The following NAALADL2 variants were observed in gnomAD, a reference collection of about 807,000 sequenced individuals.
The protein encoded by NAALADL2 is inactive N-acetylated-alpha-linked acidic dipeptidase-like protein 2.
A neutral mutation model predicts 87.2 loss-of-function variants in NAALADL2; 76 were observed. That is an observed-to-expected ratio of 0.87 (90% CI 0.72 to 1.05). The LOEUF is 1.05. Among genes scored for constraint, NAALADL2 ranks in the 50% least tolerant of loss-of-function variants. The pLI is 0.00. For synonymous variants in NAALADL2, 354 were observed against 331.0 expected (o/e 1.07, Z -0.75); for missense variants, 1,089 against 945.8 (o/e 1.15, Z -1.99).
intron 2 of NAALADL2, among the ~76,000 whole-genome samples, chr3:174,613,145 G>A (rs1424120066): frequency 6.6e-6 from 1 of 152,202 alleles, no homozygotes; most frequent in Non-Finnish European, 1.5e-5. Flanking sequence ...ATCAAATGGA[G>A]CTTTTCTCTC....
chr3:175,353,282 G>A (rs1016024877), intron 5 of NAALADL2, among the ~76,000 whole-genome samples: 10 of 152,002 alleles, frequency 6.6e-5, no homozygotes, highest in Admixed American at 6.6e-4. Flanking sequence ...TGAGGTCGGA[G>A]GATCTCTTGA....
At chr3:175,794,799 A>G (rs1753254223) in intron 13 of NAALADL2, among the ~76,000 whole-genome samples, 1 of 152,234 alleles carries the variant, frequency 6.6e-6, no homozygotes, top group South Asian at 2.1e-4. Context: ...TAAAAAAATT[A>G]TGCTGTGATG....
chr3:174,942,681 T>C (rs1384221230), intron 1 of NAALADL2, among the ~76,000 whole-genome samples: 2 of 152,194 alleles, frequency 1.3e-5, no homozygotes, highest in African/African-American at 4.8e-5. Context: ...GTTATTCATA[T>C]ATTTAGCCTC....
chr3:175,453,789 G>T (rs1028439498), intron 6 of NAALADL2, among the ~76,000 whole-genome samples: 1 of 151,976 alleles, frequency 6.6e-6, no homozygotes, highest in Admixed American at 6.6e-5. Flanking sequence ...TCCTTAATCA[G>T]GTTGTTCAAA....
intron 2 of NAALADL2, among the ~76,000 whole-genome samples, chr3:174,713,521 T>C (rs1397105796): frequency 1.3e-5 from 2 of 152,196 alleles, no homozygotes; most frequent in Non-Finnish European, 2.9e-5. Context: ...TGATATCTCA[T>C]TGTGGTTTTG....
chr3:175,190,870 C>G (rs567722321), intron 2 of NAALADL2, among the ~76,000 whole-genome samples: 6 of 149,450 alleles, frequency 4.0e-5, no homozygotes, highest in Non-Finnish European at 7.4e-5. Flanking sequence ...CCCAGCTACT[C>G]GGGAGGCTGA....
intron 5 of NAALADL2, among the ~76,000 whole-genome samples, chr3:175,402,926 G>A (rs1711586744): frequency 6.6e-6 from 1 of 152,092 alleles, no homozygotes; most frequent in Non-Finnish European, 1.5e-5. Flanking sequence ...CACACCTCTT[G>A]CATTTTTAAA....
intron 5 of NAALADL2, among the ~76,000 whole-genome samples, chr3:175,387,397 G>T (rs961843662): frequency 6.6e-6 from 1 of 151,996 alleles, no homozygotes; most frequent in Non-Finnish European, 1.5e-5. Flanking sequence ...GGTACAATTG[G>T]TCTAGGATAG....
At chr3:174,960,469 T>TTACTA in intron 1 of NAALADL2, among the ~76,000 whole-genome samples, 1 of 152,068 alleles carries the variant, frequency 6.6e-6, no homozygotes, top group African/African-American at 2.4e-5. Context: ...AACATTCATC[T>TTACTA]TGGACTTACT....
At chr3:175,761,350 G>T (rs542156347) in intron 13 of NAALADL2, among the ~76,000 whole-genome samples, 1 of 152,268 alleles carries the variant, frequency 6.6e-6, no homozygotes, top group East Asian at 1.9e-4. Flanking sequence ...GTAGCAATAT[G>T]CAGTGCATTT....
chr3:174,932,947 G>A (rs1393627631), intron 1 of NAALADL2, among the ~76,000 whole-genome samples: 15 of 151,970 alleles, frequency 9.9e-5, no homozygotes, highest in Non-Finnish European at 2.1e-4. Context: ...GAGAAACCCC[G>A]TCTCTACTAA....
intron 3 of NAALADL2, among the ~76,000 whole-genome samples, chr3:174,773,691 A>G (rs1232427656): frequency 6.6e-6 from 1 of 152,164 alleles, no homozygotes; most frequent in African/African-American, 2.4e-5. Context: ...TGGGCAAGAG[A>G]AAGCTTTCCA....
chr3:175,098,110 C>T (rs1053659185), intron 2 of NAALADL2, among the ~76,000 whole-genome samples: 1 of 152,096 alleles, frequency 6.6e-6, no homozygotes, highest in Non-Finnish European at 1.5e-5. Flanking sequence ...ATCCTCTAAT[C>T]CTCTTCCTGA....
At chr3:175,044,710 G>T (rs1392842747) in intron 1 of NAALADL2, among the ~76,000 whole-genome samples, 2 of 152,014 alleles carry the variant, frequency 1.3e-5, no homozygotes, top group Non-Finnish European at 2.9e-5. Flanking sequence ...GGCCACATAG[G>T]TTGTTTGGGT....
intron 3 of NAALADL2, among the ~76,000 whole-genome samples, chr3:175,244,660 C>A (rs1389063779): frequency 6.6e-6 from 1 of 152,152 alleles, no homozygotes; most frequent in Non-Finnish European, 1.5e-5. Context: ...TGTGATGCCT[C>A]TGTTTCATTT....
intron 3 of NAALADL2, among the ~76,000 whole-genome samples, chr3:174,849,113 G>A (rs929551058): frequency 6.6e-6 from 1 of 152,156 alleles, no homozygotes; most frequent in Non-Finnish European, 1.5e-5. Context: ...AAGTTGTTCT[G>A]CGTGAGTCAG....
intron 3 of NAALADL2, among the ~76,000 whole-genome samples, chr3:174,774,632 T>TG (rs761269813): frequency 1.3e-5 from 2 of 152,120 alleles, no homozygotes; most frequent in Non-Finnish European, 2.9e-5. Context: ...AGCAGACCCA[T>TG]GGGGAGTTTT....
chr3:174,790,629 C>G (rs970922150), intron 3 of NAALADL2, among the ~76,000 whole-genome samples: 1 of 122,330 alleles, frequency 8.2e-6, no homozygotes, highest in South Asian at 3.1e-4. Context: ...GCCTAGGTGA[C>G]AAAAGCAAAA....
intron 1 of NAALADL2, among the ~76,000 whole-genome samples, chr3:174,883,473 A>T (rs7355935): frequency 0.21 from 31,670 of 152,022 alleles, 3,312 homozygotes; most frequent in East Asian, 0.3. Context: ...CTGATCCCCA[A>T]CCCAAATACT....
Sources: allele counts gnomAD v4.1 joint callset (sites outside exome capture counted in the v4.1 genomes callset), GRCh38; gene constraint gnomAD v4.1.1; transcripts MANE v1.5; gene names NCBI Gene and HGNC (gene_info 2026-07-23, HGNC 2026-07-21).